The following OR56A3 variants were observed in gnomAD, a reference collection of about 807,000 sequenced individuals.
OR56A3 encodes olfactory receptor 56A3.
Under a neutral mutation model 17.5 loss-of-function variants are expected in OR56A3, and 23 were observed. That is an observed-to-expected ratio of 1.32 (90% CI 0.95 to 1.87). The LOEUF (loss-of-function observed/expected upper bound fraction) is 1.87, where lower values mean the gene tolerates loss of function less well. OR56A3 is among the 40% of genes most tolerant of loss of function. The pLI, the probability that OR56A3 is intolerant of heterozygous loss-of-function variation, is 0.00. For missense variants in OR56A3, 366 were observed against 380.1 expected (o/e 0.96, Z 0.31); for synonymous variants, 175 against 150.6 (o/e 1.16, Z -1.19).
In OR56A3 at chr11:5,947,607, C is replaced by T. The variant is rs1441817064; in HGVS notation, c.261C>T (p.Thr87=). The T allele has an allele frequency of 1.4e-5, 22 of 1,614,076 alleles. No homozygotes were observed. Among genetic ancestry groups the T allele is most frequent in the Non-Finnish European group, 1.9e-5 (22 of 1,180,040 alleles). The stretch of plus-strand genomic sequence containing the variant: ...TCACTGTCATCCCCAAGGTCCTGAC[C>T]ATCTTCTGGTTTGACCTCAGGCCCA... ...LCLTVIPKVL[T]IFWFDLRPIS... The change falls in exon 3 of 3, where the codon ACC becomes ACT. Residue 87 remains threonine (T), a synonymous_variant. Coordinates refer to ENST00000641160, the MANE Select transcript of OR56A3 (RefSeq NM_001003443.3).
the OR56A3 span, among the ~76,000 whole-genome samples, chr11:5,959,516 T>A: frequency 6.6e-6 from 1 of 152,274 alleles, no homozygotes; most frequent in African/African-American, 2.4e-5. Flanking sequence ...TTCCTTGCTA[T>A]TGAATTGTCA....
At chr11:5,969,839 G>A in the OR56A3 span, among the ~76,000 whole-genome samples, 1 of 152,184 alleles carries the variant, frequency 6.6e-6, no homozygotes, top group African/African-American at 2.4e-5. Flanking sequence ...GTCCAATTGA[G>A]AAGTGATCAC....
At chr11:5,995,646 A>G in the OR56A3 span, among the ~76,000 whole-genome samples, 2 of 152,292 alleles carry the variant, frequency 1.3e-5, no homozygotes, top group Non-Finnish European at 2.9e-5. Context: ...TATTGTGTAC[A>G]ACATGTTTTA....
At chr11:5,955,888 C>T (rs1847929413), downstream of OR56A3, among the ~76,000 whole-genome samples, 1 of 152,168 alleles carries the variant, frequency 6.6e-6, no homozygotes, top group South Asian at 2.1e-4. Context: ...TCCTTTTTAA[C>T]CCTTTTCCCA....
chr11:5,951,376 CTATT>C (rs1380031235), downstream of OR56A3: 5 of 151,890 alleles, frequency 3.3e-5, no homozygotes, highest in African/African-American at 7.3e-5. Flanking sequence ...GTATTTGAAA[CTATT>C]TAACTATTTT....
chr11:5,980,276 T>G, the OR56A3 span, among the ~76,000 whole-genome samples: 1 of 152,134 alleles, frequency 6.6e-6, no homozygotes, highest in Non-Finnish European at 1.5e-5. Context: ...TATGATACTA[T>G]CAATGGGGTA....
chr11:5,990,618 TA>T, the OR56A3 span, among the ~76,000 whole-genome samples: 3,399 of 152,070 alleles, frequency 0.022, 123 homozygotes, highest in African/African-American at 0.077. Context: ...GATAATAGGG[TA>T]AAAAAGAAGA....
the OR56A3 span, among the ~76,000 whole-genome samples, chr11:5,961,225 C>T: frequency 3.3e-5 from 5 of 152,296 alleles, 1 homozygote; most frequent in Middle Eastern, 6.8e-3. Flanking sequence ...GCCCCTCTTC[C>T]CCGGCCGCCA....
At chr11:5,996,555 A>G in the OR56A3 span, among the ~76,000 whole-genome samples, 1 of 152,210 alleles carries the variant, frequency 6.6e-6, no homozygotes, top group African/African-American at 2.4e-5. Context: ...AAGAACTCCA[A>G]AATTTCTAGA....
At chr11:5,995,671 T>A in the OR56A3 span, among the ~76,000 whole-genome samples, 1 of 152,236 alleles carries the variant, frequency 6.6e-6, no homozygotes, top group Admixed American at 6.5e-5. Context: ...ATATATACAA[T>A]GTGGAATAGT....
chr11:5,954,195 A>G (rs932005815), downstream of OR56A3, among the ~76,000 whole-genome samples: 4 of 152,200 alleles, frequency 2.6e-5, no homozygotes, highest in Admixed American at 2.6e-4. Flanking sequence ...CAGCACAACT[A>G]AAAGACTTGT....
chr11:5,967,595 C>G, the OR56A3 span: 1 of 1,612,180 alleles, frequency 6.2e-7, no homozygotes, highest in Non-Finnish European at 8.5e-7. Context: ...GCTTGATCTC[C>G]TTGGTTCTCA....
At chr11:5,975,297 G>A in the OR56A3 span, among the ~76,000 whole-genome samples, 6 of 151,900 alleles carry the variant, frequency 3.9e-5, no homozygotes, top group African/African-American at 7.3e-5. Flanking sequence ...ATGTTGGTGC[G>A]CTGCACCCAC....
chr11:5,985,774 C>G, the OR56A3 span: 5 of 622,948 alleles, frequency 8.0e-6, no homozygotes, highest in Non-Finnish European at 1.3e-5. Flanking sequence ...CCAGGTACAT[C>G]CCAATAAGCC....
chr11:5,989,184 C>A, the OR56A3 span, among the ~76,000 whole-genome samples: 3 of 152,332 alleles, frequency 2.0e-5, no homozygotes, highest in Admixed American at 6.5e-5. Flanking sequence ...CAAAAATTCA[C>A]CTCTCAGTGC....
At chr11:5,956,139 G>T (rs1480979464), downstream of OR56A3, among the ~76,000 whole-genome samples, 1 of 152,166 alleles carries the variant, frequency 6.6e-6, no homozygotes, top group Non-Finnish European at 1.5e-5. Flanking sequence ...GCATTCTTAT[G>T]CATGATGTTA....
chr11:6,019,186 T>C, the OR56A3 span: 1 of 148,898 alleles, frequency 6.7e-6, no homozygotes, highest in Non-Finnish European at 1.5e-5. Context: ...AGGCTACTAC[T>C]ACCTTGACAC....
chr11:5,956,777 T>C, the OR56A3 span, among the ~76,000 whole-genome samples: 1 of 152,196 alleles, frequency 6.6e-6, no homozygotes, highest in Non-Finnish European at 1.5e-5. Context: ...TTCTGAAATA[T>C]TGTACCTGCA....
the OR56A3 span, among the ~76,000 whole-genome samples, chr11:5,997,532 CT>C: frequency 1.3e-5 from 2 of 152,138 alleles, no homozygotes; most frequent in Non-Finnish European, 2.9e-5. Context: ...GCATCTGAAC[CT>C]AGAGCATAGG....
Sources: gnomAD v4.1 joint callset for allele counts (sites outside exome capture counted in the v4.1 genomes callset) on GRCh38, gnomAD v4.1.1 for gene constraint, MANE v1.5 for transcripts, NCBI Gene and HGNC (gene_info 2026-07-23, HGNC 2026-07-21) for gene names.